The following NRXN1 variants were observed in gnomAD, a reference collection of about 807,000 sequenced individuals.
NRXN1 encodes the protein neurexin-1.
NRXN1 carries 39 observed loss-of-function variants against 150.9 expected under a neutral mutation model. That is an observed-to-expected ratio of 0.26 (90% confidence interval 0.20 to 0.34). The LOEUF (loss-of-function observed/expected upper bound fraction) is 0.34, where lower values mean the gene tolerates loss of function less well. Ranked by LOEUF, NRXN1 falls within the 10% of genes least tolerant of loss-of-function variation. The pLI, the probability that NRXN1 is intolerant of heterozygous loss-of-function variation, is 1.00. For missense variants in NRXN1, 1,815 were observed against 1,949.9 expected, an observed-to-expected ratio of 0.93 and a Z score of 1.30; for synonymous variants, 924 against 757.0, an observed-to-expected ratio of 1.22 and a Z score of -3.62.
chr2:51,013,374 A>C (rs939151335), intron 2 of NRXN1, among the ~76,000 whole-genome samples: 1 of 151,998 alleles, frequency 6.6e-6, no homozygotes, highest in Non-Finnish European at 1.5e-5. Flanking sequence ...TCATGGGCCA[A>C]GTGTTCTGTA....
intron 5 of NRXN1, among the ~76,000 whole-genome samples, chr2:50,661,799 A>G (rs1687340878): frequency 6.6e-6 from 1 of 152,074 alleles, no homozygotes; most frequent in Non-Finnish European, 1.5e-5. Context: ...GGATACTTTT[A>G]TATTAATTAG....
At chr2:51,006,398 G>C (rs1381199116) in intron 2 of NRXN1, among the ~76,000 whole-genome samples, 2 of 151,588 alleles carry the variant, frequency 1.3e-5, no homozygotes, top group Non-Finnish European at 2.9e-5. Context: ...ACTGTTGTGG[G>C]GTGGGGGAAG....
At chr2:50,477,754 C>T (rs188358488) in intron 15 of NRXN1, among the ~76,000 whole-genome samples, 2 of 152,218 alleles carry the variant, frequency 1.3e-5, no homozygotes, top group Non-Finnish European at 2.9e-5. Flanking sequence ...ATGAAGGAAG[C>T]TCTCACAAAC....
At chr2:51,017,949 T>C (rs1271712184) in intron 2 of NRXN1, among the ~76,000 whole-genome samples, 1 of 152,252 alleles carries the variant, frequency 6.6e-6, no homozygotes, top group East Asian at 1.9e-4. Flanking sequence ...CCAGGCATGC[T>C]TAATTATAGA....
At chr2:50,038,348 G>C (rs895027303) in intron 21 of NRXN1, among the ~76,000 whole-genome samples, 3 of 152,176 alleles carry the variant, frequency 2.0e-5, no homozygotes, top group African/African-American at 7.2e-5. Context: ...AAAAGCCTGT[G>C]GCTCCTATCC....
At chr2:49,979,349 T>C (rs938784368) in intron 21 of NRXN1, among the ~76,000 whole-genome samples, 2 of 152,274 alleles carry the variant, frequency 1.3e-5, no homozygotes, top group East Asian at 3.9e-4. Flanking sequence ...CAGTAAGAGA[T>C]AAATCTCCAA....
intron 16 of NRXN1, among the ~76,000 whole-genome samples, chr2:50,468,167 A>C (rs1261520488): frequency 6.6e-6 from 1 of 151,636 alleles, no homozygotes; most frequent in Non-Finnish European, 1.5e-5. Flanking sequence ...AGAACTAATG[A>C]AGATCCAGAT....
At chr2:50,054,659 G>A (rs760333043) in intron 20 of NRXN1, among the ~76,000 whole-genome samples, 8 of 152,042 alleles carry the variant, frequency 5.3e-5, no homozygotes, top group Admixed American at 1.3e-4. Context: ...TTATCATTTT[G>A]GGTTAATGCT....
At chr2:50,420,390 C>A (rs567242829) in intron 17 of NRXN1, among the ~76,000 whole-genome samples, 65 of 151,610 alleles carry the variant, frequency 4.3e-4, no homozygotes, top group African/African-American at 1.4e-3. Flanking sequence ...TACACACATA[C>A]ATACATGTAC....
chr2:50,781,604 T>G (rs1704359055), intron 5 of NRXN1, among the ~76,000 whole-genome samples: 1 of 152,216 alleles, frequency 6.6e-6, no homozygotes, highest in Admixed American at 6.5e-5. Flanking sequence ...AATAAAAACG[T>G]AGCTTCTGGT....
chr2:50,871,041 A>C (rs577990332), intron 5 of NRXN1, among the ~76,000 whole-genome samples: 14 of 152,054 alleles, frequency 9.2e-5, no homozygotes, highest in Middle Eastern at 3.4e-3. Flanking sequence ...TGAAAAATTA[A>C]AATTATTTGA....
At chr2:50,366,539 T>C (rs2079596418) in intron 17 of NRXN1, among the ~76,000 whole-genome samples, 1 of 152,070 alleles carries the variant, frequency 6.6e-6, no homozygotes, top group South Asian at 2.1e-4. Context: ...AGAGTAGCAA[T>C]ATGTCCCACT....
At position 50,538,408 on chromosome 2, in the gene NRXN1, T is replaced by A; in HGVS notation, c.1988A>T (p.Gln663Leu). 1 of 1,614,016 alleles carries A rather than the reference T, an allele frequency of 6.2e-7. No individual in the cohort carries two copies. Among genetic ancestry groups the A allele is most frequent in the East Asian group, 2.2e-5 (1 of 44,870 alleles). ...SKDIRQMAEV[Q>L]STAGVKPSCS... ...GGAAGGCTTCACTCCAGCAGTACTT[T>A]GAACTTCAGCCATTTGCCGGATATC... The change falls in exon 10 of 23, where the codon CAA becomes CTA. Residue 663 changes from glutamine to leucine, a missense_variant. This residue lies in a region of NRXN1 where 638 missense variants were observed against 652.6 expected (regional missense o/e 0.98). Coordinates refer to ENST00000401669, the MANE Select transcript of NRXN1 (RefSeq NM_001330078.2).
At chr2:50,280,501 G>C (rs1409139642) in intron 17 of NRXN1, among the ~76,000 whole-genome samples, 1 of 151,982 alleles carries the variant, frequency 6.6e-6, no homozygotes, top group Non-Finnish European at 1.5e-5. Flanking sequence ...TAACAGGCTG[G>C]GGTTGGAATC....
chr2:50,409,780 CAT>C (rs2083013187), intron 17 of NRXN1, among the ~76,000 whole-genome samples: 1 of 152,186 alleles, frequency 6.6e-6, no homozygotes, highest in Admixed American at 6.5e-5. Flanking sequence ...AACATAAACA[CAT>C]GATTTGATTA....
chr2:50,397,291 G>T (rs2082112618), intron 17 of NRXN1, among the ~76,000 whole-genome samples: 1 of 152,068 alleles, frequency 6.6e-6, no homozygotes, highest in South Asian at 2.1e-4. Flanking sequence ...AGTCTGTCTT[G>T]TGTGCTTTAA....
intron 5 of NRXN1, among the ~76,000 whole-genome samples, chr2:50,666,596 G>A (rs1020133093): frequency 6.6e-6 from 1 of 151,916 alleles, no homozygotes; most frequent in East Asian, 1.9e-4. Context: ...CCAACACTTG[G>A]TAAGGGCATG....
At chr2:50,913,209 G>A (rs892742105) in intron 5 of NRXN1, among the ~76,000 whole-genome samples, 3 of 151,770 alleles carry the variant, frequency 2.0e-5, no homozygotes, top group Admixed American at 1.3e-4. Flanking sequence ...ACTGAGTTTA[G>A]AGGAAGATTT....
intron 18 of NRXN1, among the ~76,000 whole-genome samples, chr2:50,156,319 G>C (rs2059019444): frequency 6.6e-6 from 1 of 151,874 alleles, no homozygotes; most frequent in East Asian, 1.9e-4. Flanking sequence ...AGGATAGCAA[G>C]TAATACAGTG....
Sources: gnomAD v4.1 joint callset for allele counts (sites outside exome capture counted in the v4.1 genomes callset) on GRCh38, gnomAD v4.1.1 for gene constraint, gnomAD v4.1.1 regional missense constraint, MANE v1.5 for transcripts, NCBI Gene and HGNC (gene_info 2026-07-23, HGNC 2026-07-21) for gene names.